The following ZNF837 variants were observed in gnomAD, a reference collection of about 807,000 sequenced individuals.
ZNF837 encodes zinc finger protein 837.
For missense variants in ZNF837, 955 were observed against 801.7 expected, an observed-to-expected ratio of 1.19 and a Z score of -2.31; for synonymous variants, 475 against 365.2, an observed-to-expected ratio of 1.30 and a Z score of -3.43.
chr19:58,368,091 G>GCTGTGAGTGCGCTGGTGCC lies in ZNF837; in HGVS notation c.1223_1241dup (p.Ser414ArgfsTer155), dbSNP rs1390055787. On this transcript the variant is annotated frameshift_variant, in exon 3 of 3. Coordinates refer to ENST00000597582, the MANE Select transcript of ZNF837 (RefSeq NM_138466.2). LOFTEE classifies it low-confidence loss of function (END_TRUNC). ...GTGGGCACGCGTAGGGCTTGGCGCT[G>GCTGTGAGTGCGCTGGTGCC]CTGTGAGTGCGCTGGTGCCGGCTCA... 6.9e-5 allele frequency: 107 copies of GCTGTGAGTGCGCTGGTGCC among 1,556,486 alleles called. No individual in the cohort carries two copies. The highest frequency in any genetic ancestry group is 1.9e-4 in the Admixed American group (10 of 52,114).
chr19:58,377,387 G>C (rs1201847771), intron 1 of ZNF837, among the ~76,000 whole-genome samples: 1 of 151,766 alleles, frequency 6.6e-6, no homozygotes, highest in Non-Finnish European at 1.5e-5. Context: ...GGCGCCTGCA[G>C]GAGAATGGTG....
At position 58,368,686 on chromosome 19, in the gene ZNF837, T is replaced by C; in HGVS notation, c.647A>G (p.Glu216Gly). 2 of 1,533,024 alleles carry C rather than the reference T, an allele frequency of 1.3e-6. No individual in the cohort carries two copies. The highest frequency in any genetic ancestry group is 1.7e-6 in the Non-Finnish European group (2 of 1,144,698). The allele number at this position is 1,533,024 out of a possible 1,614,324, so 95.0% of individuals were successfully genotyped here. A position where few individuals can be genotyped will look rare whatever the true frequency, so the allele number is the denominator to read the frequency against. The change falls in exon 3 of 3, where the codon GAG becomes GGG. Residue 216 changes from glutamate (E) to glycine (G), a missense_variant. Physicochemically the swap from Glu to Gly is moderately conservative, Grantham distance 98. Coordinates refer to ENST00000597582, the MANE Select transcript of ZNF837 (RefSeq NM_138466.2). ...FAWRALRIPQ[E>G]RLQATEEPRP... Reference sequence around the variant, plus strand: ...GGGCTCCTCCGTCGCCTGCAGCCTCTCCTGGGGGATCCGCAGGGCCCTCCA... The same window carrying C: ...GGGCTCCTCCGTCGCCTGCAGCCTCCCCTGGGGGATCCGCAGGGCCCTCCA...
chr19:58,374,329 T>C (rs1236369138), intron 1 of ZNF837, among the ~76,000 whole-genome samples: 3 of 152,166 alleles, frequency 2.0e-5, no homozygotes, highest in Non-Finnish European at 4.4e-5. Flanking sequence ...ATGTGGTATA[T>C]CCATAGAATG....
intron 1 of ZNF837, among the ~76,000 whole-genome samples, chr19:58,379,729 G>A (rs866546334): frequency 7.9e-5 from 12 of 152,206 alleles, no homozygotes; most frequent in African/African-American, 2.9e-4. Context: ...CCAAGGCTGA[G>A]CCCTGCAGAA....
rs1256650687 is a variant in ZNF837, at chr19:58,368,452, G to A, written c.881C>T (p.Thr294Met). The A allele has an allele frequency of 2.6e-6, 4 of 1,568,218 alleles. No individual in the cohort carries two copies. The East Asian group carries it at 7.1e-5, about 28-fold the overall frequency. The change falls in exon 3 of 3, where the codon ACG becomes ATG. Residue 294 changes from threonine to methionine, a missense_variant. Physicochemically the swap from Thr to Met is moderately conservative, Grantham distance 81. Transcript: ENST00000597582. ...GGCGCACTCGTAGGGCCGCTCGCCC[G>A]TGTGGATGCGCTGGTGCTGCAGCAG... ...SSLLQHQRIH[T>M]GERPYECAEC... is the part of the protein sequence containing the mutation.
At chr19:58,371,429 T>G (rs1208350043) in intron 1 of ZNF837, among the ~76,000 whole-genome samples, 1 of 151,958 alleles carries the variant, frequency 6.6e-6, no homozygotes, top group Non-Finnish European at 1.5e-5. Flanking sequence ...AATAAATAAA[T>G]ATTTTCCTCA....
chr19:58,380,246 T>G (rs1395237349), intron 1 of ZNF837, among the ~76,000 whole-genome samples: 1 of 152,210 alleles, frequency 6.6e-6, no homozygotes, highest in Admixed American at 6.5e-5. Flanking sequence ...AAATGTCCTC[T>G]GAGTGCAGGC....
chr19:58,371,618 C>T (rs959575258), intron 1 of ZNF837, among the ~76,000 whole-genome samples: 1 of 152,186 alleles, frequency 6.6e-6, no homozygotes, highest in African/African-American at 2.4e-5. Flanking sequence ...ACTTGTGGCA[C>T]CCTCGTAAAT....
intron 1 of ZNF837, among the ~76,000 whole-genome samples, chr19:58,373,172 C>G (rs944419853): frequency 6.6e-5 from 10 of 152,198 alleles, no homozygotes; most frequent in Admixed American, 6.5e-4. Flanking sequence ...TGAGACTTCC[C>G]GGAGCCAGAT....
rs61740963 is a variant in ZNF837, at chr19:58,369,246, G to A, written c.87C>T (p.Pro29=). 2.8e-6 allele frequency: 4 copies of A among 1,418,954 alleles called. No individual in the cohort carries two copies. The highest frequency in any genetic ancestry group is 2.8e-6 in the Non-Finnish European group (3 of 1,090,620). The allele number at this position is 1,418,954 out of a possible 1,614,324, so 87.9% of individuals were successfully genotyped here. A position where few individuals can be genotyped will look rare whatever the true frequency, so the allele number is the denominator to read the frequency against. The part of the protein sequence containing the change: ...QGASGAREKR[P]EEPRPLEEDR... ...CCTCTTCGAGGGGCCTCGGCTCCTC[G>A]GGCCTCTTCTCCCGGGCCCCGGAGG... is the stretch of plus-strand genomic sequence containing the variant. The change falls in exon 3 of 3, where the codon CCC becomes CCT. Residue 29 remains proline, a synonymous_variant. Transcript: ENST00000597582.
chr19:58,370,334 C>T (rs1490772853), intron 1 of ZNF837, among the ~76,000 whole-genome samples: 1 of 152,192 alleles, frequency 6.6e-6, no homozygotes, highest in Non-Finnish European at 1.5e-5. Context: ...TCTCCTTATA[C>T]TCCTTATAGG....
Position 58,368,579 on chromosome 19 carries a change from A to G in ZNF837, c.754T>C (p.Cys252Arg). The G allele has an allele frequency of 6.5e-7, 1 of 1,536,216 alleles. No individual in the cohort carries two copies. Among genetic ancestry groups the G allele is most frequent in the Non-Finnish European group, 8.7e-7 (1 of 1,144,766 alleles). ...GGGCGAGGTCGCGAGGTTTGGCCGC[A>G]CTCAGGACACACTGGGGGACTCTTG... The part of the protein sequence containing the change: ...AGKSPPVCPE[C>R]GQTSRPRPIV... The change falls in exon 3 of 3, where the codon TGC becomes CGC. Residue 252 changes from cysteine (C) to arginine (R), a missense_variant. By Grantham distance (180) the Cys-to-Arg change is radical (BLOSUM62 -3). Coordinates refer to ENST00000597582, the MANE Select transcript of ZNF837 (RefSeq NM_138466.2).
chr19:58,380,183 TA>T (rs1168737961), intron 1 of ZNF837, among the ~76,000 whole-genome samples: 1 of 152,184 alleles, frequency 6.6e-6, no homozygotes, highest in African/African-American at 2.4e-5. Context: ...TGTCCAATTC[TA>T]CACTGTGCAC....
chr19:58,370,953 G>T (rs979230602), intron 1 of ZNF837, among the ~76,000 whole-genome samples: 38 of 147,200 alleles, frequency 2.6e-4, no homozygotes, highest in African/African-American at 4.5e-4. Context: ...GAAGGCCGGG[G>T]GGGGGGAGCC....
chr19:58,369,182 G>C lies in ZNF837; in HGVS notation c.151C>G (p.Arg51Gly). 5.5e-6 allele frequency: 8 copies of C among 1,451,132 alleles called. No homozygotes were observed. The highest frequency in any genetic ancestry group is 6.3e-6 in the Non-Finnish European group (7 of 1,102,650). 89.9% of individuals were successfully genotyped at this position (1,451,132 alleles called of 1,614,324 possible). Residue 51 changes from arginine to glycine, a missense_variant, in exon 3 of 3, where the codon CGT becomes GGT. Physicochemically the swap from Arg to Gly is moderately radical, Grantham distance 125. Coordinates refer to ENST00000597582, the MANE Select transcript of ZNF837 (RefSeq NM_138466.2). ...GSRPTQKGDL[R>G]GAAGGRTTPP... ...GTCGTCCTACCGCCCGCCGCTCCACGCAGGTCCCCCTTTTGAGTGGGGCGG... is the reference window on the plus strand; with the variant it reads ...GTCGTCCTACCGCCCGCCGCTCCACCCAGGTCCCCCTTTTGAGTGGGGCGG...
chr19:58,376,932 A>AC (rs1481840147), intron 1 of ZNF837, among the ~76,000 whole-genome samples: 1 of 151,718 alleles, frequency 6.6e-6, no homozygotes, highest in Non-Finnish European at 1.5e-5. Flanking sequence ...AAAAAAAAAA[A>AC]AATGGCCGGA....
At chr19:58,377,937 G>A (rs2052262768) in intron 1 of ZNF837, among the ~76,000 whole-genome samples, 2 of 152,240 alleles carry the variant, frequency 1.3e-5, no homozygotes, top group Admixed American at 6.5e-5. Flanking sequence ...GAGTCCATCT[G>A]CTGGCCGTGG....
At chr19:58,376,449 G>A (rs1389346214) in intron 1 of ZNF837, among the ~76,000 whole-genome samples, 3 of 150,004 alleles carry the variant, frequency 2.0e-5, no homozygotes, top group South Asian at 4.2e-4. Flanking sequence ...CAGCTACTCC[G>A]GAGGCTGAGG....
At chr19:58,374,341 G>T (rs1301681251) in intron 1 of ZNF837, among the ~76,000 whole-genome samples, 1 of 152,140 alleles carries the variant, frequency 6.6e-6, no homozygotes, top group Non-Finnish European at 1.5e-5. Flanking sequence ...CATAGAATGG[G>T]ATATTATTCA....
Sources: allele counts gnomAD v4.1 joint callset (sites outside exome capture counted in the v4.1 genomes callset), GRCh38; gene constraint gnomAD v4.1.1; transcripts MANE v1.5; gene names NCBI Gene and HGNC (gene_info 2026-07-23, HGNC 2026-07-21).